Variants in NRF1 observed in about 807,000 individuals in gnomAD.
NRF1 encodes nuclear respiratory factor 1.
A neutral mutation model predicts 58.5 loss-of-function variants in NRF1; 5 were observed. That is an observed-to-expected ratio of 0.09 (90% confidence interval 0.04 to 0.18). The LOEUF is 0.18. NRF1 is among the 10% of genes least tolerant of loss of function. The pLI, the probability that NRF1 is intolerant of heterozygous loss-of-function variation, is 1.00. For missense variants in NRF1, 288 were observed against 657.7 expected, an observed-to-expected ratio of 0.44 and a Z score of 6.15; for synonymous variants, 224 against 246.7, an observed-to-expected ratio of 0.91 and a Z score of 0.86.
intron 2 of NRF1, among the ~76,000 whole-genome samples, chr7:129,658,423 C>A (rs1377588506): frequency 6.6e-6 from 1 of 151,870 alleles, no homozygotes; most frequent in Non-Finnish European, 1.5e-5. Flanking sequence ...GCAATCCCAT[C>A]TCTACCAAAA....
chr7:129,744,107 C>A, intron 10 of NRF1: 1 of 1,413,742 alleles, frequency 7.1e-7, no homozygotes, highest in Non-Finnish European at 9.5e-7. Context: ...CGCAGCGGGG[C>A]TGGTGGCCCA....
intron 2 of NRF1, among the ~76,000 whole-genome samples, chr7:129,669,357 T>C (rs1801995169): frequency 6.6e-6 from 1 of 152,178 alleles, no homozygotes; most frequent in Non-Finnish European, 1.5e-5. Context: ...AATTATAAAA[T>C]ATTGAACTCT....
At chr7:129,620,071 A>G (rs931889683) in intron 1 of NRF1, among the ~76,000 whole-genome samples, 3 of 152,194 alleles carry the variant, frequency 2.0e-5, no homozygotes, top group Non-Finnish European at 4.4e-5. Context: ...CTAAATGTTA[A>G]TGATTAAATC....
chr7:129,687,187 T>C (rs759430938), intron 4 of NRF1, among the ~76,000 whole-genome samples: 7 of 152,170 alleles, frequency 4.6e-5, no homozygotes, highest in Non-Finnish European at 8.8e-5. Flanking sequence ...TGTGCCATCA[T>C]GAAAACAGGC....
chr7:129,612,998 A>C (rs1800572611), intron 1 of NRF1, among the ~76,000 whole-genome samples: 1 of 152,192 alleles, frequency 6.6e-6, no homozygotes, highest in South Asian at 2.1e-4. Flanking sequence ...TTAATTGCTT[A>C]TTTTAGAGCT....
intron 5 of NRF1, among the ~76,000 whole-genome samples, chr7:129,705,047 T>C (rs1261861672): frequency 6.6e-6 from 1 of 152,206 alleles, no homozygotes; most frequent in East Asian, 1.9e-4. Context: ...AGAGCTATGG[T>C]GCACCTAAAT....
chr7:129,752,167 C>T (rs945589956), intron 10 of NRF1, among the ~76,000 whole-genome samples: 1 of 152,222 alleles, frequency 6.6e-6, no homozygotes, highest in Non-Finnish European at 1.5e-5. Flanking sequence ...CTGGCTTATC[C>T]ATGGCTGTCC....
intron 10 of NRF1, among the ~76,000 whole-genome samples, chr7:129,731,271 GAAAAAA>G (rs10708899): frequency 8.1e-6 from 1 of 122,896 alleles, no homozygotes. Flanking sequence ...ACTCCGTCTT[GAAAAAA>G]AAAAAAAAAA....
rs187600574 is a variant in NRF1 at position 129,671,727 on chromosome 7, A to G, written c.338+184A>G. On this transcript the variant is annotated intron_variant, in intron 3 of 10. Coordinates refer to ENST00000393232, the MANE Select transcript of NRF1 (RefSeq NM_005011.5). Reference sequence around the variant, plus strand: ...AACAAAGAAATACGATTTAACAGATACGTAATATCACATTAATTCATTCAG... The same window carrying G: ...AACAAAGAAATACGATTTAACAGATGCGTAATATCACATTAATTCATTCAG... 5.9e-3 allele frequency among the ~76,000 whole-genome samples: 893 copies of G among 152,380 alleles called. 11 individuals carry two copies. The highest frequency in any genetic ancestry group is 0.021 in the African/African-American group (862 of 41,584).
At chr7:129,730,120 G>A (rs1305942178) in intron 10 of NRF1, among the ~76,000 whole-genome samples, 4 of 152,232 alleles carry the variant, frequency 2.6e-5, no homozygotes, top group East Asian at 1.9e-4. Context: ...CCACTGTGCC[G>A]GGCCTATGTT....
chr7:129,727,196 C>G (rs1803468642), intron 9 of NRF1, 45 bp from the exon 10 acceptor site: 1 of 1,532,988 alleles, frequency 6.5e-7, no homozygotes, highest in Non-Finnish European at 8.7e-7. Context: ...GGCTGCAGTG[C>G]TGTTCCTCTA....
intron 9 of NRF1, among the ~76,000 whole-genome samples, chr7:129,721,698 G>T (rs540193339): frequency 1.3e-5 from 2 of 151,976 alleles, no homozygotes; most frequent in Non-Finnish European, 2.9e-5. Context: ...AGCCAGGATG[G>T]TCTCGATCTC....
At chr7:129,684,563 T>G (rs1802402799) in intron 4 of NRF1, among the ~76,000 whole-genome samples, 1 of 152,236 alleles carries the variant, frequency 6.6e-6, no homozygotes, top group South Asian at 2.1e-4. Context: ...TTATTTTGGT[T>G]GACTTCTGTT....
At chr7:129,749,448 T>A (rs936034831) in intron 10 of NRF1, among the ~76,000 whole-genome samples, 54 of 145,484 alleles carry the variant, frequency 3.7e-4, no homozygotes, top group African/African-American at 1.3e-3. Context: ...AAAAAAAAAA[T>A]AGAGCCATGT....
chr7:129,639,492 G>C (rs74734973), intron 1 of NRF1, among the ~76,000 whole-genome samples: 3,704 of 150,924 alleles, frequency 0.025, 53 homozygotes, highest in Middle Eastern at 0.076. Context: ...CATAGAAATG[G>C]TGTGCCCAAC....
chr7:129,753,166 AC>A lies in NRF1; in HGVS notation c.1349-1849del, dbSNP rs774694183. ...TTTTGCATTAGAAAATATTTTGACA[AC>A]CCTTTTTAAAATAATTTTTATCTTC... On this transcript the variant is annotated intron_variant, in intron 10 of 10. Coordinates refer to ENST00000393232, the MANE Select transcript of NRF1 (RefSeq NM_005011.5). Among the ~76,000 whole-genome samples the A allele has an allele frequency of 1.4e-3, 213 of 152,282 alleles. 1 individual carries two copies. The highest frequency in any genetic ancestry group is 2.2e-3 in the Non-Finnish European group (147 of 68,038).
At chr7:129,747,216 T>C (rs1469641476) in intron 10 of NRF1, among the ~76,000 whole-genome samples, 1 of 152,232 alleles carries the variant, frequency 6.6e-6, no homozygotes, top group Non-Finnish European at 1.5e-5. Context: ...GGAGTGGTTC[T>C]GCCTGGTTGC....
intron 1 of NRF1, among the ~76,000 whole-genome samples, chr7:129,614,927 C>T (rs181505652): frequency 1.3e-5 from 2 of 152,292 alleles, no homozygotes; most frequent in Non-Finnish European, 1.5e-5. Context: ...TCTTTAGAAG[C>T]ATTTTATGTA....
chr7:129,678,132 G>A (rs78708334), intron 4 of NRF1, among the ~76,000 whole-genome samples: 3,386 of 151,914 alleles, frequency 0.022, 50 homozygotes, highest in Middle Eastern at 0.075. Flanking sequence ...GAAACCTGGG[G>A]GCATTTTATT....
Sources: gnomAD v4.1 joint callset for allele counts (sites outside exome capture counted in the v4.1 genomes callset) on GRCh38, gnomAD v4.1.1 for gene constraint, MANE v1.5 for transcripts, NCBI Gene and HGNC (gene_info 2026-07-23, HGNC 2026-07-21) for gene names.